RIMS1: variants seen among roughly 807,000 people sequenced by gnomAD.
RIMS1 encodes the protein regulating synaptic membrane exocytosis 1, also known as regulating synaptic membrane exocytosis protein 1.
In RIMS1, 83 loss-of-function variants were observed where a neutral mutation model predicts 214.1. That is an observed-to-expected ratio of 0.39 (90% CI 0.32 to 0.47). The LOEUF (loss-of-function observed/expected upper bound fraction) is 0.47. RIMS1 is among the 20% of genes least tolerant of loss of function. The pLI is 0.99. For missense variants in RIMS1, 2,050 were observed against 2,161.8 expected, an observed-to-expected ratio of 0.95 and a Z score of 1.03; for synonymous variants, 793 against 786.8, an observed-to-expected ratio of 1.01 and a Z score of -0.13.
chr6:72,239,693 C>G (rs1347247586), intron 9 of RIMS1, among the ~76,000 whole-genome samples: 1 of 152,156 alleles, frequency 6.6e-6, no homozygotes, highest in African/African-American at 2.4e-5. Context: ...ATTTAACCTT[C>G]TAAAACACAA....
chr6:71,920,232 C>T (rs73545360), intron 1 of RIMS1, among the ~76,000 whole-genome samples: 6,234 of 152,128 alleles, frequency 0.041, 420 homozygotes, highest in African/African-American at 0.14. Flanking sequence ...CACTAAAATG[C>T]AATGTAGTAT....
At chr6:72,153,068 T>C (rs938802724) in intron 4 of RIMS1, among the ~76,000 whole-genome samples, 1 of 143,168 alleles carries the variant, frequency 7.0e-6, no homozygotes, top group South Asian at 2.2e-4. Flanking sequence ...ATATTCCCTA[T>C]GTATATATAT....
chr6:72,158,325 G>C (rs897267712), intron 4 of RIMS1, among the ~76,000 whole-genome samples: 1 of 140,496 alleles, frequency 7.1e-6, no homozygotes, highest in Admixed American at 7.3e-5. Flanking sequence ...CTTTTCTTCT[G>C]TTATGTTGAG....
At chr6:72,057,117 CA>C (rs1226024880) in intron 2 of RIMS1, among the ~76,000 whole-genome samples, 9 of 152,134 alleles carry the variant, frequency 5.9e-5, no homozygotes, top group African/African-American at 2.2e-4. Flanking sequence ...CCCCATGACA[CA>C]AGTTTGCCTA....
At chr6:72,247,462 G>A (rs554374016) in intron 11 of RIMS1, among the ~76,000 whole-genome samples, 1 of 150,288 alleles carries the variant, frequency 6.7e-6, no homozygotes, top group African/African-American at 2.4e-5. Context: ...TTGAACCTGC[G>A]AGGTGGAGGT....
At chr6:72,063,814 G>A (rs1309843138) in intron 2 of RIMS1, among the ~76,000 whole-genome samples, 2 of 152,074 alleles carry the variant, frequency 1.3e-5, no homozygotes, top group Admixed American at 1.3e-4. Flanking sequence ...AGTTTGCTAG[G>A]GCTGCTGTAA....
chr6:71,980,122 G>T (rs538807752), intron 2 of RIMS1, among the ~76,000 whole-genome samples: 3 of 151,980 alleles, frequency 2.0e-5, no homozygotes, highest in African/African-American at 7.2e-5. Context: ...CAGTCTGCCC[G>T]TGCCAAGAAA....
chr6:72,165,696 T>C (rs2046157861), intron 4 of RIMS1, among the ~76,000 whole-genome samples: 1 of 152,060 alleles, frequency 6.6e-6, no homozygotes, highest in African/African-American at 2.4e-5. Context: ...CAATCAGAGA[T>C]TGAACAGATT....
chr6:72,243,890 T>A (rs975487514), intron 10 of RIMS1, among the ~76,000 whole-genome samples: 2 of 151,148 alleles, frequency 1.3e-5, no homozygotes, highest in African/African-American at 4.8e-5. Flanking sequence ...AGATTATAAT[T>A]GAATCAGAAT....
At chr6:72,271,286 A>ATATATATAT (rs1554403465) in intron 22 of RIMS1, among the ~76,000 whole-genome samples, 117 of 44,136 alleles carry the variant, frequency 2.7e-3, no homozygotes, top group South Asian at 4.5e-3. Flanking sequence ...AAAAAAAAAA[A>ATATATATAT]ATATATATAT....
At chr6:72,290,988 A>G in intron 25 of RIMS1, 127 bp downstream of exon 25, 1 of 785,172 alleles carries the variant, frequency 1.3e-6, no homozygotes, top group Admixed American at 2.7e-5. Context: ...TTTCTTTGTG[A>G]CACTTAAATC....
intron 2 of RIMS1, among the ~76,000 whole-genome samples, chr6:72,049,537 C>CT (rs1190151044): frequency 6.6e-6 from 1 of 152,188 alleles, no homozygotes; most frequent in South Asian, 2.1e-4. Flanking sequence ...CATTGCTTAA[C>CT]TTAAGCAACA....
intron 4 of RIMS1, chr6:72,126,686 T>C: frequency 3.8e-6 from 1 of 264,782 alleles, no homozygotes; most frequent in Non-Finnish European, 7.5e-6. Context: ...ATGCTCAGCA[T>C]CACTGATTAT....
chr6:72,261,194 C>G, intron 19 of RIMS1: 5 of 1,014,710 alleles, frequency 4.9e-6, no homozygotes, highest in Non-Finnish European at 5.9e-6. Context: ...TTTTAATTTC[C>G]TTTTAGAATT....
At chr6:72,356,312 A>C (rs1247872656) in intron 29 of RIMS1, among the ~76,000 whole-genome samples, 1 of 152,190 alleles carries the variant, frequency 6.6e-6, no homozygotes, top group East Asian at 1.9e-4. Flanking sequence ...GTTTAAAAAA[A>C]AAAAAAATGA....
At chr6:72,010,574 G>A (rs1451417219) in intron 2 of RIMS1, among the ~76,000 whole-genome samples, 1 of 152,168 alleles carries the variant, frequency 6.6e-6, no homozygotes, top group African/African-American at 2.4e-5. Flanking sequence ...TGTATATCTA[G>A]AAAACCCTAT....
chr6:71,993,802 G>A (rs958167859), intron 2 of RIMS1, among the ~76,000 whole-genome samples: 2 of 152,140 alleles, frequency 1.3e-5, no homozygotes, highest in African/African-American at 2.4e-5. Flanking sequence ...TCATATAGTG[G>A]TAGGGGGCTA....
intron 2 of RIMS1, among the ~76,000 whole-genome samples, chr6:72,078,610 G>A (rs987995678): frequency 2.6e-5 from 4 of 152,184 alleles, no homozygotes; most frequent in South Asian, 2.1e-4. Context: ...CCTATCTTTA[G>A]TTCACTACCT....
In RIMS1 at chr6:72,290,836, G is replaced by C. The variant is rs2093275841; in HGVS notation, c.3712G>C (p.Ala1238Pro). 1 of 1,612,754 alleles carries C rather than the reference G, an allele frequency of 6.2e-7. No individual in the cohort carries two copies. Among genetic ancestry groups the C allele is most frequent in the African/African-American group, 1.3e-5 (1 of 74,884 alleles). Residue 1238 changes from alanine to proline, a missense_variant, in exon 25 of 34, where the codon GCG becomes CCG. By Grantham distance (27) the Ala-to-Pro change is conservative. Around this residue, in one of 6 missense-constraint regions of RIMS1, gnomAD observed 889 missense variants for 885.5 expected, o/e 1.00. Transcript: ENST00000521978. The stretch of plus-strand genomic sequence containing the variant: ...GCACCACCTTGTCCCTGGAGGGTCG[G>C]CGCCACCTTCTCCGCTTCTGACAAG... ...SMHHLVPGGS[A>P]PPSPLLTRMH...
Sources: gnomAD v4.1 joint callset for allele counts (sites outside exome capture counted in the v4.1 genomes callset) on GRCh38, gnomAD v4.1.1 for gene constraint, gnomAD v4.1.1 regional missense constraint, MANE v1.5 for transcripts, NCBI Gene and HGNC (gene_info 2026-07-23, HGNC 2026-07-21) for gene names.